The following MORC3 variants were observed in gnomAD, a reference collection of about 807,000 sequenced individuals.
MORC3 encodes the protein MORC family CW-type zinc finger 3.
A neutral mutation model predicts 109.1 loss-of-function variants in MORC3; 31 were observed. The observed-to-expected ratio is 0.28, with a 90% confidence interval of 0.21 to 0.38. MORC3 has a LOEUF of 0.38. Among genes scored for constraint, MORC3 ranks in the 10% least tolerant of loss-of-function variants. The pLI is 1.00. For synonymous variants in MORC3, 395 were observed against 380.7 expected (o/e 1.04, Z -0.44); for missense variants, 867 against 1,135.8 (o/e 0.76, Z 3.40).
intron 14 of MORC3, among the ~76,000 whole-genome samples, chr21:36,364,558 C>A (rs553839950): frequency 6.6e-6 from 1 of 151,358 alleles, no homozygotes; most frequent in South Asian, 2.1e-4. Flanking sequence ...GTGGCGGGCA[C>A]CTGTAATCCC....
At chr21:36,341,333 C>G in intron 5 of MORC3, 66 bp from the exon 6 acceptor site, 1 of 1,425,874 alleles carries the variant, frequency 7.0e-7, no homozygotes, top group South Asian at 1.3e-5. Context: ...TAATGACTTA[C>G]AGTGTTTGCT....
intron 9 of MORC3, among the ~76,000 whole-genome samples, chr21:36,350,542 C>CAA (rs34750900): frequency 1.7e-5 from 2 of 116,288 alleles, no homozygotes; most frequent in Non-Finnish European, 1.8e-5. Flanking sequence ...CACCCTGCCT[C>CAA]AAAAAAAAAA....
intron 9 of MORC3, among the ~76,000 whole-genome samples, chr21:36,352,595 A>G (rs535224678): frequency 1.5e-4 from 23 of 152,254 alleles, no homozygotes; most frequent in Non-Finnish European, 2.6e-4. Context: ...TCCTTTGGGT[A>G]TCATGTTGGC....
At chr21:36,341,133 T>C (rs2085440770) in intron 5 of MORC3, among the ~76,000 whole-genome samples, 1 of 152,246 alleles carries the variant, frequency 6.6e-6, no homozygotes, top group Admixed American at 6.5e-5. Context: ...CTGTATCATA[T>C]AGTACTTGCA....
At chr21:36,333,742 A>G (rs370814499) in intron 2 of MORC3, 24 bp downstream of exon 2, 2 of 1,515,686 alleles carry the variant, frequency 1.3e-6, no homozygotes, top group Non-Finnish European at 1.8e-6. Flanking sequence ...CATTTCATAT[A>G]CCATTTGTTG....
At chr21:36,362,906 A>C in intron 13 of MORC3, among the ~76,000 whole-genome samples, 1 of 152,100 alleles carries the variant, frequency 6.6e-6, no homozygotes, top group East Asian at 1.9e-4. Context: ...AACTTTAAAA[A>C]TTGTACTGTT....
In MORC3 at chr21:36,350,268, A is replaced by G. The variant is rs530277796; in HGVS notation, c.1103+860A>G. On this transcript the variant is annotated intron_variant, in intron 9 of 16. Coordinates refer to ENST00000400485, the MANE Select transcript of MORC3 (RefSeq NM_015358.3). Reference sequence around the variant, plus strand: ...GTGTGCAGTGAGCCAAGATGGCGCCACTGTACTCCAACCCGATGACAGAGT... The same window carrying G: ...GTGTGCAGTGAGCCAAGATGGCGCCGCTGTACTCCAACCCGATGACAGAGT... Among the ~76,000 whole-genome samples the G allele has an allele frequency of 5.9e-5, 9 of 152,170 alleles. No individual in the cohort carries two copies. In the East Asian group the frequency reaches 1.5e-3, roughly 26 times the overall value.
chr21:36,364,646 C>CA (rs112303932), intron 14 of MORC3, among the ~76,000 whole-genome samples: 40 of 138,198 alleles, frequency 2.9e-4, no homozygotes, highest in African/African-American at 6.7e-4. Flanking sequence ...AACTCCGTCT[C>CA]AAAAAAAAAA....
intron 9 of MORC3, among the ~76,000 whole-genome samples, chr21:36,350,044 C>G (rs1056012819): frequency 1.3e-5 from 2 of 152,146 alleles, no homozygotes; most frequent in Non-Finnish European, 2.9e-5. Context: ...GTGGCTCTTT[C>G]CTGTAATCTT....
intron 5 of MORC3, among the ~76,000 whole-genome samples, chr21:36,340,969 C>A (rs1054335809): frequency 1.3e-5 from 2 of 152,128 alleles, no homozygotes; most frequent in Admixed American, 6.6e-5. Context: ...AGTAGTGTTT[C>A]ATTGTATGTA....
intron 9 of MORC3, among the ~76,000 whole-genome samples, chr21:36,354,754 A>G (rs1452350211): frequency 6.6e-6 from 1 of 152,198 alleles, no homozygotes; most frequent in Non-Finnish European, 1.5e-5. Flanking sequence ...TGGATTGTCT[A>G]ATGTCAGTTT....
At chr21:36,370,631 ATATATATATTTTTTTTTTTTTTTT>A (rs1451324031) in intron 15 of MORC3, among the ~76,000 whole-genome samples, 26 of 23,814 alleles carry the variant, frequency 1.1e-3, no homozygotes, top group African/African-American at 2.9e-3. Flanking sequence ...ATATATATAT[ATATATATATTTTTTTTTTTTTTTT>A]TTTTTTTTTT....
At position 36,320,198 on chromosome 21, in the gene MORC3, C is replaced by G. The variant is rs371608302; in HGVS notation, c.-67C>G. 2.8e-4 allele frequency: 434 copies of G among 1,547,280 alleles called. 1 individual carries two copies. The African/African-American group carries it at 5.6e-3, about 20-fold the overall frequency. Reference sequence around the variant, plus strand: ...AGTGGGCGGTACCCATAGGGCTCCACAGTCGTTCCGCCACCTCCCAGTCGG... The same window carrying G: ...AGTGGGCGGTACCCATAGGGCTCCAGAGTCGTTCCGCCACCTCCCAGTCGG... On this transcript the variant is annotated 5_prime_UTR_variant, in exon 1 of 17. Transcript: ENST00000400485.
intron 9 of MORC3, among the ~76,000 whole-genome samples, chr21:36,355,470 T>C (rs903094861): frequency 6.6e-6 from 1 of 152,172 alleles, no homozygotes; most frequent in African/African-American, 2.4e-5. Flanking sequence ...TCTTCAAGGC[T>C]TAAGGGTTAG....
chr21:36,361,947 G>T, intron 12 of MORC3: 1 of 568,770 alleles, frequency 1.8e-6, no homozygotes. Context: ...TCTGGTCTTA[G>T]TGGAGAAAAA....
chr21:36,362,714 G>C (rs2085733835), intron 13 of MORC3, among the ~76,000 whole-genome samples: 1 of 151,990 alleles, frequency 6.6e-6, no homozygotes, highest in Non-Finnish European at 1.5e-5. Context: ...ATATTGTGTA[G>C]TGCTTAGTTT....
chr21:36,329,100 G>A (rs905372449), intron 1 of MORC3, among the ~76,000 whole-genome samples: 3 of 151,946 alleles, frequency 2.0e-5, no homozygotes, highest in Non-Finnish European at 2.9e-5. Flanking sequence ...CGAGACCAGC[G>A]TGGCCAGCAT....
intron 9 of MORC3, among the ~76,000 whole-genome samples, chr21:36,355,774 C>T (rs1453846987): frequency 6.6e-6 from 1 of 151,496 alleles, no homozygotes; most frequent in Non-Finnish European, 1.5e-5. Flanking sequence ...AAAGCAATAC[C>T]CTGTCTCTAC....
chr21:36,346,047 G>A (rs2085503993), intron 8 of MORC3, among the ~76,000 whole-genome samples: 1 of 151,890 alleles, frequency 6.6e-6, no homozygotes, highest in African/African-American at 2.4e-5. Context: ...TTGAGATGGA[G>A]TCTCACTCTG....
Sources: allele counts gnomAD v4.1 joint callset (sites outside exome capture counted in the v4.1 genomes callset), GRCh38; gene constraint gnomAD v4.1.1; transcripts MANE v1.5; gene names NCBI Gene and HGNC (gene_info 2026-07-23, HGNC 2026-07-21).